The following PBX1 variants were observed in gnomAD, a reference collection of about 807,000 sequenced individuals.
PBX1 encodes the protein pre-B-cell leukemia transcription factor 1.
In PBX1, 6 loss-of-function variants were observed where a neutral mutation model predicts 53.4. That is an observed-to-expected ratio of 0.11 (90% CI 0.06 to 0.22). PBX1 has a LOEUF of 0.22. Among genes scored for constraint, PBX1 ranks in the 10% least tolerant of loss-of-function variants. PBX1 has a pLI of 1.00. For missense variants in PBX1, 251 were observed against 551.4 expected (o/e 0.46, Z 5.46); for synonymous variants, 204 against 212.3 (o/e 0.96, Z 0.34).
chr1:164,862,750 C>G (rs1021926870), intron 2 of PBX1, among the ~76,000 whole-genome samples: 1 of 152,170 alleles, frequency 6.6e-6, no homozygotes, highest in Non-Finnish European at 1.5e-5. Flanking sequence ...TCGGTCCAGC[C>G]AACACCATTG....
At chr1:164,859,898 G>T (rs531468383) in intron 2 of PBX1, among the ~76,000 whole-genome samples, 42 of 152,292 alleles carry the variant, frequency 2.8e-4, no homozygotes, top group Admixed American at 8.5e-4. Flanking sequence ...GCTTGGACAA[G>T]AATTTAAAAT....
intron 8 of PBX1, among the ~76,000 whole-genome samples, chr1:164,842,071 G>A (rs535888576): frequency 2.0e-5 from 3 of 152,238 alleles, no homozygotes; most frequent in South Asian, 2.1e-4. Flanking sequence ...TAAGGTAATC[G>A]CAGAGGAAGA....
chr1:164,568,000 A>T (rs1168200178), intron 2 of PBX1, among the ~76,000 whole-genome samples: 1 of 152,124 alleles, frequency 6.6e-6, no homozygotes, highest in African/African-American at 2.4e-5. Context: ...AGAAGGGGGC[A>T]TTACCTGCCT....
At chr1:164,750,360 G>A (rs12072617) in intron 2 of PBX1, among the ~76,000 whole-genome samples, 3,322 of 151,964 alleles carry the variant, frequency 0.022, 121 homozygotes, top group African/African-American at 0.077. Context: ...ATTCTGATAC[G>A]GCTACTGTCA....
At chr1:164,755,402 G>A (rs10918064) in intron 2 of PBX1, among the ~76,000 whole-genome samples, 11,159 of 152,118 alleles carry the variant, frequency 0.073, 636 homozygotes, top group African/African-American at 0.15. Context: ...GCCCACCCTG[G>A]CCTCCCAAAG....
At chr1:164,638,801 A>G (rs1658942887) in intron 2 of PBX1, among the ~76,000 whole-genome samples, 1 of 152,242 alleles carries the variant, frequency 6.6e-6, no homozygotes, top group Admixed American at 6.5e-5. Flanking sequence ...CTTGCTTGGC[A>G]AAGACCTCCA....
chr1:164,719,728 C>T (rs986595080), intron 2 of PBX1, among the ~76,000 whole-genome samples: 2 of 152,068 alleles, frequency 1.3e-5, no homozygotes, highest in African/African-American at 2.4e-5. Flanking sequence ...TTTCTGTCAT[C>T]GAATTTGGAG....
At chr1:164,821,655 C>T (rs768100471) in intron 8 of PBX1, 29 bp downstream of exon 8, 3 of 1,561,860 alleles carry the variant, frequency 1.9e-6, no homozygotes, top group African/African-American at 1.4e-5. Flanking sequence ...CCACCCCCTG[C>T]TTTGTTTTTA....
chr1:164,725,137 G>A lies in PBX1; in HGVS notation c.266-67357G>A, dbSNP rs560922481. On this transcript the variant is annotated intron_variant, in intron 2 of 8. Transcript: ENST00000420696. ...TTCCTGCATCCAGTAGACTTGCAGG[G>A]AATGAGAAGGCAAAACCAGCATCTG... Among the ~76,000 whole-genome samples the A allele has an allele frequency of 4.3e-4, 66 of 152,164 alleles. 1 individual carries two copies. Among genetic ancestry groups the A allele is most frequent in the Admixed American group, 2.0e-3 (30 of 15,288 alleles).
intron 2 of PBX1, among the ~76,000 whole-genome samples, chr1:164,616,395 T>C (rs1242222345): frequency 2.0e-5 from 3 of 152,214 alleles, no homozygotes; most frequent in Non-Finnish European, 4.4e-5. Context: ...CTATATATTA[T>C]TGTGTTGGTG....
intron 2 of PBX1, among the ~76,000 whole-genome samples, chr1:164,751,576 C>T (rs903055508): frequency 3.0e-5 from 4 of 131,856 alleles, no homozygotes; most frequent in Non-Finnish European, 3.1e-5. Context: ...GGGTTTATTG[C>T]CCCCCTTTTT....
At chr1:164,788,343 G>A (rs1422623098) in intron 2 of PBX1, among the ~76,000 whole-genome samples, 1 of 151,554 alleles carries the variant, frequency 6.6e-6, no homozygotes, top group Admixed American at 6.6e-5. Context: ...CATCAGTTCT[G>A]CTTAGACATA....
chr1:164,741,717 T>C (rs1265388528), intron 2 of PBX1, among the ~76,000 whole-genome samples: 2 of 149,174 alleles, frequency 1.3e-5, no homozygotes, highest in Admixed American at 6.8e-5. Flanking sequence ...TCCTAGGAGG[T>C]TGGAGTGAGC....
chr1:164,566,026 A>G (rs762446898), intron 2 of PBX1, among the ~76,000 whole-genome samples: 2 of 152,152 alleles, frequency 1.3e-5, no homozygotes, highest in Non-Finnish European at 2.9e-5. Context: ...CTTGAGAGGA[A>G]CTTGGTAATT....
At chr1:164,662,992 T>C (rs200119107) in intron 2 of PBX1, among the ~76,000 whole-genome samples, 2 of 152,312 alleles carry the variant, frequency 1.3e-5, no homozygotes, top group East Asian at 3.9e-4. Context: ...TTTGATGATA[T>C]CATAGAAATA....
intron 2 of PBX1, among the ~76,000 whole-genome samples, chr1:164,605,014 ACAT>A (rs1449019909): frequency 1.3e-5 from 2 of 152,196 alleles, no homozygotes; most frequent in Non-Finnish European, 1.5e-5. Flanking sequence ...ACCAGTAATC[ACAT>A]CATAGACCCT....
chr1:164,812,233 T>C, intron 6 of PBX1, 84 bp downstream of exon 6: 1 of 1,298,328 alleles, frequency 7.7e-7, no homozygotes, highest in Non-Finnish European at 1.1e-6. Context: ...GATTTTCTTT[T>C]AATTTGTTAG....
At chr1:164,577,769 AT>A (rs1170755796) in intron 2 of PBX1, among the ~76,000 whole-genome samples, 1 of 152,142 alleles carries the variant, frequency 6.6e-6, no homozygotes, top group African/African-American at 2.4e-5. Context: ...CTATAAATTA[AT>A]TCCCTCTATA....
At chr1:164,736,537 G>A (rs924259046) in intron 2 of PBX1, among the ~76,000 whole-genome samples, 6 of 151,876 alleles carry the variant, frequency 4.0e-5, no homozygotes, top group Admixed American at 6.6e-5. Flanking sequence ...TCATTCCTCT[G>A]TTATTTGAAT....
Sources: allele counts gnomAD v4.1 joint callset (sites outside exome capture counted in the v4.1 genomes callset), GRCh38; gene constraint gnomAD v4.1.1; transcripts MANE v1.5; gene names NCBI Gene and HGNC (gene_info 2026-07-23, HGNC 2026-07-21).